NUP205: variants seen among roughly 807,000 people sequenced by gnomAD.
NUP205 encodes the protein nucleoporin 205.
In NUP205, 76 loss-of-function variants were observed where a neutral mutation model predicts 253.8. That is an observed-to-expected ratio of 0.30 (90% CI 0.25 to 0.36). The LOEUF (loss-of-function observed/expected upper bound fraction) is 0.36. Among genes scored for constraint, NUP205 ranks in the 10% least tolerant of loss-of-function variants. The pLI is 1.00. For missense variants in NUP205, 2,162 were observed against 2,425.5 expected (o/e 0.89, Z 2.28); for synonymous variants, 832 against 850.1 (o/e 0.98, Z 0.37).
chr7:135,621,312 A>G (rs1385892912), intron 30 of NUP205, among the ~76,000 whole-genome samples: 1 of 152,362 alleles, frequency 6.6e-6, no homozygotes, highest in African/African-American at 2.4e-5. Context: ...TTTTAAGCAA[A>G]CATGAGCTTC....
At chr7:135,601,111 TC>T (rs1269380320) in intron 16 of NUP205, 142 bp downstream of exon 16, 20 of 599,048 alleles carry the variant, frequency 3.3e-5, no homozygotes, top group Middle Eastern at 4.5e-4. Flanking sequence ...TTTTAATTTT[TC>T]TGTTCAAGAG....
At chr7:135,648,109 T>G (rs1373800740) in intron 42 of NUP205, among the ~76,000 whole-genome samples, 1 of 152,132 alleles carries the variant, frequency 6.6e-6, no homozygotes, top group African/African-American at 2.4e-5. Flanking sequence ...GGAAATGTTT[T>G]TGTGTGTATG....
intron 22 of NUP205, among the ~76,000 whole-genome samples, chr7:135,609,082 C>G (rs528257346): frequency 1.1e-5 from 1 of 93,184 alleles, no homozygotes; most frequent in Non-Finnish European, 2.0e-5. Flanking sequence ...CCAGCCTGGG[C>G]AACAAGAGCA....
At chr7:135,590,594 G>A (rs556411437) in intron 10 of NUP205, among the ~76,000 whole-genome samples, 10 of 149,510 alleles carry the variant, frequency 6.7e-5, no homozygotes, top group South Asian at 2.1e-4. Flanking sequence ...GTGCAGTGGC[G>A]CAATCTTGGC....
intron 1 of NUP205, among the ~76,000 whole-genome samples, chr7:135,561,824 A>C (rs893749779): frequency 6.6e-6 from 1 of 151,746 alleles, no homozygotes; most frequent in Admixed American, 6.6e-5. Context: ...GCGTCACTCC[A>C]CTTACTGTCC....
intron 1 of NUP205, among the ~76,000 whole-genome samples, chr7:135,563,561 A>G (rs1178104099): frequency 2.0e-5 from 3 of 152,286 alleles, no homozygotes; most frequent in South Asian, 2.1e-4. Context: ...TACCTCACAC[A>G]TGGTGAATGA....
rs372918634 is a variant in NUP205, at chr7:135,577,032, T to C, written c.552T>C (p.Tyr184=). The change falls in exon 5 of 43, where the codon TAT becomes TAC. Residue 184 remains tyrosine, a synonymous_variant. Coordinates refer to ENST00000285968, the MANE Select transcript of NUP205 (RefSeq NM_015135.3). The stretch of plus-strand genomic sequence containing the variant: ...AGCTGATGGAGCAAGGATTGACTTA[T>C]AAAGTTCTTACGCTGGTGTCACAGA... ...TDELMEQGLT[Y]KVLTLVSQID... 1.5e-5 allele frequency: 24 copies of C among 1,614,038 alleles called. No homozygotes were observed. The highest frequency in any genetic ancestry group is 1.2e-4 in the African/African-American group (9 of 74,948).
Position 135,593,199 on chromosome 7 carries a change from A to G in NUP205, c.1830+7A>G, listed in dbSNP as rs1490881405. 8.7e-6 allele frequency: 14 copies of G among 1,611,302 alleles called. No individual in the cohort carries two copies. Among genetic ancestry groups the G allele is most frequent in the Non-Finnish European group, 1.1e-5 (13 of 1,177,628 alleles). ...GTCTACCATCATTACTTGGGTAGGT[A>G]ACTCATCCCCAGCATAATTTTATTT... On this transcript the variant is annotated splice_region_variant and intron_variant, in intron 12 of 42. Coordinates refer to ENST00000285968, the MANE Select transcript of NUP205 (RefSeq NM_015135.3).
At position 135,614,209 on chromosome 7, in the gene NUP205, G is replaced by A. The variant is rs1232206161; in HGVS notation, c.3246G>A (p.Arg1082=). Reference sequence around the variant, plus strand: ...CTGATACATCTGGTCCTACTATGAGGTACTTGAGAACCAGCCAGGATTTCT... The same window carrying A: ...CTGATACATCTGGTCCTACTATGAGATACTTGAGAACCAGCCAGGATTTCT... The part of the protein sequence containing the change: ...ACSDTSGPTM[R]YLRTSQDFLF... Residue 1082 remains arginine, a synonymous_variant, in exon 23 of 43, where the codon AGG becomes AGA. Coordinates refer to ENST00000285968, the MANE Select transcript of NUP205 (RefSeq NM_015135.3). The A allele has an allele frequency of 6.2e-7, 1 of 1,612,536 alleles. No homozygotes were observed. Among genetic ancestry groups the A allele is most frequent in the Admixed American group, 1.7e-5 (1 of 59,992 alleles).
chr7:135,581,551 A>C (rs1021233066), intron 7 of NUP205, among the ~76,000 whole-genome samples: 14 of 150,800 alleles, frequency 9.3e-5, no homozygotes, highest in Admixed American at 9.3e-4. Flanking sequence ...TCTCAAAAAA[A>C]ATTAAAAAAA....
chr7:135,593,200 A>G lies in NUP205; in HGVS notation c.1830+8A>G. 1.2e-6 allele frequency: 2 copies of G among 1,610,640 alleles called. No individual in the cohort carries two copies. The highest frequency in any genetic ancestry group is 1.7e-6 in the Non-Finnish European group (2 of 1,177,004). ...TCTACCATCATTACTTGGGTAGGTA[A>G]CTCATCCCCAGCATAATTTTATTTT... On this transcript the variant is annotated splice_region_variant and intron_variant, in intron 12 of 42. Transcript: ENST00000285968.
intron 31 of NUP205, among the ~76,000 whole-genome samples, chr7:135,623,194 G>A (rs1019470398): frequency 3.3e-5 from 5 of 152,130 alleles, no homozygotes; most frequent in Admixed American, 6.5e-5. Context: ...TGGGAAAATT[G>A]CATGAGCCCA....
At chr7:135,640,827 G>A (rs894464677) in intron 38 of NUP205, among the ~76,000 whole-genome samples, 9 of 152,194 alleles carry the variant, frequency 5.9e-5, no homozygotes, top group African/African-American at 1.9e-4. Context: ...GAGTAAAATA[G>A]TTAAATTAGA....
chr7:135,615,828 G>GA (rs754280171), intron 23 of NUP205, 88 bp from the exon 24 acceptor site: 2 of 756,756 alleles, frequency 2.6e-6, no homozygotes, highest in Non-Finnish European at 3.9e-6. Context: ...TGTTACATGG[G>GA]AAAATATCTG....
rs61734151 is a variant in NUP205, at chr7:135,607,350, G to C, written c.3174G>C (p.Gln1058His). The C allele has an allele frequency of 1.9e-6, 3 of 1,613,842 alleles. No individual in the cohort carries two copies. Among genetic ancestry groups the C allele is most frequent in the African/African-American group, 1.3e-5 (1 of 75,016 alleles). ...CAGTGGCGGTGCGAGAATCTCCTCA[G>C]CTGGCTGAGCTATGTTACCAGGTAC... ...TGPVAVRESPQLAELCYQVIY... is the reference protein window; with the variant it reads ...TGPVAVRESPHLAELCYQVIY... Residue 1058 changes from glutamine to histidine, a missense_variant, in exon 22 of 43, where the codon CAG becomes CAC. By Grantham distance (24) the Gln-to-His change is conservative. Transcript: ENST00000285968.
Position 135,578,795 on chromosome 7 carries a change from G to C in NUP205, c.922G>C (p.Ala308Pro). 6.2e-7 allele frequency: 1 copy of C among 1,609,588 alleles called. No homozygotes were observed. The highest frequency in any genetic ancestry group is 8.5e-7 in the Non-Finnish European group (1 of 1,178,396). ...ACTGTTGACAGAAAAACAGTACATTGCAACAATTCACTCTCGTCTTCAGGA... is the reference window on the plus strand; with the variant it reads ...ACTGTTGACAGAAAAACAGTACATTCCAACAATTCACTCTCGTCTTCAGGA... ...LPLLTEKQYIATIHSRLQDSQ... is the reference protein window; with the variant it reads ...LPLLTEKQYIPTIHSRLQDSQ... The change falls in exon 7 of 43, where the codon GCA (alanine) becomes CCA (proline). Residue 308 changes from alanine to proline, a missense_variant. This residue lies in a region of NUP205 where 892 missense variants were observed against 957.1 expected (regional missense o/e 0.93). Coordinates refer to ENST00000285968, the MANE Select transcript of NUP205 (RefSeq NM_015135.3).
Position 135,628,008 on chromosome 7 carries a change from C to G in NUP205, c.4829C>G (p.Pro1610Arg), listed in dbSNP as rs753387132. The change falls in exon 34 of 43, where the codon CCT (proline) becomes CGT (arginine). Residue 1610 changes from proline (P) to arginine (R), a missense_variant. Pro to Arg is a moderately radical substitution (Grantham distance 103, BLOSUM62 -2). Transcript: ENST00000285968. The part of the protein sequence containing the change: ...FGMRDPPMFI[P>R]TPVDRYRQIL... ...ATGAGAGACCCTCCAATGTTCATCC[C>G]TACCCCAGTGGATCGCTACCGCCAG... The G allele has an allele frequency of 1.1e-5, 18 of 1,612,120 alleles. No individual in the cohort carries two copies. The East Asian group carries it at 4.0e-4, about 36-fold the overall frequency.
chr7:135,610,414 T>G (rs1794199048), intron 22 of NUP205, among the ~76,000 whole-genome samples: 1 of 152,212 alleles, frequency 6.6e-6, no homozygotes, highest in Non-Finnish European at 1.5e-5. Flanking sequence ...GAGAGGGGGC[T>G]TCACCATGTT....
In NUP205 at chr7:135,625,161, C is replaced by T; in HGVS notation, c.4480-3C>T. On this transcript the variant is annotated splice_region_variant and splice_polypyrimidine_tract_variant and intron_variant, in intron 31 of 42. Transcript: ENST00000285968. ...TTTGGACTTTAATTTATTCTTCCTT[C>T]AGATGCTGGCCCTGGCTCTACTTGA... 1 of 1,607,272 alleles carries T rather than the reference C, an allele frequency of 6.2e-7. No individual in the cohort carries two copies.
Sources: allele counts gnomAD v4.1 joint callset (sites outside exome capture counted in the v4.1 genomes callset), GRCh38; gene constraint gnomAD v4.1.1; regional missense constraint gnomAD v4.1.1; transcripts MANE v1.5; gene names NCBI Gene and HGNC (gene_info 2026-07-23, HGNC 2026-07-21).